Variants in SNX18 observed in about 807,000 individuals in gnomAD.
SNX18 encodes sorting nexin 18.
SNX18 carries 35 observed loss-of-function variants against 48.7 expected under a neutral mutation model. The ratio of observed to expected loss-of-function variants is 0.72; its 90% CI spans 0.55 to 0.95. The LOEUF (loss-of-function observed/expected upper bound fraction) is 0.95, where lower values mean the gene tolerates loss of function less well. Ranked by LOEUF, SNX18 falls within the 40% of genes least tolerant of loss-of-function variation. The pLI is 0.00. For synonymous variants in SNX18, 492 were observed against 384.7 expected, an observed-to-expected ratio of 1.28 and a Z score of -3.26; for missense variants, 824 against 871.0, an observed-to-expected ratio of 0.95 and a Z score of 0.68.
At chr5:54,608,743 T>C in the SNX18 span, among the ~76,000 whole-genome samples, 1 of 152,190 alleles carries the variant, frequency 6.6e-6, no homozygotes, top group Non-Finnish European at 1.5e-5. Context: ...TTAATCTTAG[T>C]TCCCTATATT....
chr5:54,645,822 G>C, the SNX18 span: 15 of 152,216 alleles, frequency 9.9e-5, no homozygotes, highest in Non-Finnish European at 1.8e-4. Context: ...GTGAACACCG[G>C]GTTCTGAATT....
At chr5:54,558,370 C>T in the SNX18 span, among the ~76,000 whole-genome samples, 1 of 152,140 alleles carries the variant, frequency 6.6e-6, no homozygotes, top group Non-Finnish European at 1.5e-5. Flanking sequence ...TCCTCCTTCC[C>T]TCCCTCTCTC....
the SNX18 span, among the ~76,000 whole-genome samples, chr5:54,565,860 T>C: frequency 6.6e-6 from 1 of 152,220 alleles, no homozygotes; most frequent in East Asian, 1.9e-4. Context: ...TCAAATGAGC[T>C]GCGTGTTTAT....
At chr5:54,538,487 A>G (rs1486421805) in intron 1 of SNX18, among the ~76,000 whole-genome samples, 3 of 152,190 alleles carry the variant, frequency 2.0e-5, no homozygotes, top group Non-Finnish European at 4.4e-5. Context: ...ATTGACTTCC[A>G]TAATTAGCTT....
chr5:54,602,272 G>A, the SNX18 span, among the ~76,000 whole-genome samples: 3 of 152,212 alleles, frequency 2.0e-5, no homozygotes, highest in African/African-American at 7.2e-5. Flanking sequence ...ATAATATGGA[G>A]ACAGCAGCTG....
At position 54,517,960 on chromosome 5, in the gene SNX18, T is replaced by C; in HGVS notation, c.8T>C (p.Leu3Pro). 1 of 1,514,322 alleles carries C rather than the reference T, an allele frequency of 6.6e-7. No homozygotes were observed. 93.8% of individuals were successfully genotyped at this position (1,514,322 alleles called of 1,614,324 possible). Residue 3 changes from leucine (L) to proline (P), a missense_variant, in exon 1 of 2, where the codon CTG (leucine) becomes CCG (proline). Transcript: ENST00000381410. Reference sequence around the variant, plus strand: ...AGTCGGGGCGCCGGGACCATGGCGCTGCGCGCCCGGGCGCTGTACGACTTC... The same window carrying C: ...AGTCGGGGCGCCGGGACCATGGCGCCGCGCGCCCGGGCGCTGTACGACTTC... MA[L>P]RARALYDFRS...
At chr5:54,570,448 G>A in the SNX18 span, among the ~76,000 whole-genome samples, 2 of 152,164 alleles carry the variant, frequency 1.3e-5, no homozygotes, top group Non-Finnish European at 1.5e-5. Flanking sequence ...TTCCATATTT[G>A]CCTAGGTCTG....
In SNX18 at chr5:54,518,868, C is replaced by G; in HGVS notation, c.916C>G (p.Gln306Glu). The G allele has an allele frequency of 6.2e-7, 1 of 1,613,490 alleles. No individual in the cohort carries two copies. The highest frequency in any genetic ancestry group is 8.5e-7 in the Non-Finnish European group (1 of 1,179,652). Residue 306 changes from glutamine (Q) to glutamate (E), a missense_variant, in exon 1 of 2, where the codon CAG becomes GAG. Coordinates refer to ENST00000381410, the MANE Select transcript of SNX18 (RefSeq NM_001102575.2). ...CTACAAGCTGGTGCCCACGCACACG[C>G]AGGTGCCGGTGCATCGGCGCTACAA... ...ISYKLVPTHT[Q>E]VPVHRRYKHF...
Position 54,546,172 on chromosome 5 carries a change from G to A in SNX18, c.*2740G>A, listed in dbSNP as rs764431598. 2 of 152,154 alleles carry A rather than the reference G, an allele frequency of 1.3e-5. No individual in the cohort carries two copies. The highest frequency in any genetic ancestry group is 2.9e-5 in the Non-Finnish European group (2 of 68,030). The allele number at this position is 152,154 out of a possible 1,614,324, so 9.4% of individuals were successfully genotyped here. The stretch of plus-strand genomic sequence containing the variant: ...TTTCCCAGGCTTCACTGATACAGTT[G>A]TTTTGCATTTATTCACAATAATACA... On this transcript the variant is annotated 3_prime_UTR_variant, in exon 2 of 2. Transcript: ENST00000381410.
At chr5:54,529,259 A>C (rs1394696545) in intron 1 of SNX18, among the ~76,000 whole-genome samples, 1 of 152,188 alleles carries the variant, frequency 6.6e-6, no homozygotes, top group African/African-American at 2.4e-5. Context: ...GGAGAAGTAC[A>C]AAATGGCCTG....
chr5:54,627,820 G>C, the SNX18 span, among the ~76,000 whole-genome samples: 4 of 152,202 alleles, frequency 2.6e-5, no homozygotes, highest in African/African-American at 9.7e-5. Context: ...AGGGTGCCCT[G>C]CCTTCAGTGG....
the SNX18 span, among the ~76,000 whole-genome samples, chr5:54,566,723 C>A: frequency 6.6e-6 from 1 of 152,202 alleles, no homozygotes; most frequent in African/African-American, 2.4e-5. Flanking sequence ...CTTCCATTGG[C>A]AACCTAGGCA....
chr5:54,534,507 G>A (rs1762314242), intron 1 of SNX18, among the ~76,000 whole-genome samples: 1 of 151,954 alleles, frequency 6.6e-6, no homozygotes, highest in Non-Finnish European at 1.5e-5. Context: ...TTAAAGGGAG[G>A]GCAGGGCCTT....
rs1012911415 is a variant in SNX18 at position 54,518,063 on chromosome 5, C to T, written c.111C>T (p.Gly37=). Residue 37 remains glycine, a synonymous_variant, in exon 1 of 2, where the codon GGC becomes GGT. Coordinates refer to ENST00000381410, the MANE Select transcript of SNX18 (RefSeq NM_001102575.2). ...TGTGCAGCGAGCAGGACATCGAGGGCTGGCTCGAGGGGGTCAACAGCCGCG... is the reference window on the plus strand; with the variant it reads ...TGTGCAGCGAGCAGGACATCGAGGGTTGGCTCGAGGGGGTCAACAGCCGCG... ...LSLCSEQDIE[G]WLEGVNSRGD... 6.5e-7 allele frequency: 1 copy of T among 1,545,858 alleles called. No individual in the cohort carries two copies. The highest frequency in any genetic ancestry group is 8.7e-7 in the Non-Finnish European group (1 of 1,151,088).
chr5:54,567,213 A>ATG, the SNX18 span, among the ~76,000 whole-genome samples: 1,614 of 150,306 alleles, frequency 0.011, 16 homozygotes, highest in Non-Finnish European at 0.015. Context: ...GTGTGTGTGT[A>ATG]TGTGTGTGTG....
chr5:54,572,771 T>TAG, the SNX18 span, among the ~76,000 whole-genome samples: 1 of 102,482 alleles, frequency 9.8e-6, no homozygotes, highest in African/African-American at 3.8e-5. Flanking sequence ...TATATATATA[T>TAG]ATATTTTTTT....
the SNX18 span, among the ~76,000 whole-genome samples, chr5:54,596,621 G>A: frequency 6.6e-6 from 1 of 152,150 alleles, no homozygotes; most frequent in Non-Finnish European, 1.5e-5. Context: ...CCACTTTAGG[G>A]GTTAGATGAC....
In SNX18 at chr5:54,518,325, G is replaced by A. The variant is rs1365024594; in HGVS notation, c.373G>A (p.Gly125Ser). The A allele has an allele frequency of 1.3e-6, 2 of 1,545,574 alleles. No homozygotes were observed. Among genetic ancestry groups the A allele is most frequent in the African/African-American group, 1.4e-5 (1 of 70,816 alleles). ...GAGCACCTTCCAGCCGCCCGGCGCG[G>A]GCTTCCCGTACGGCGGGGGCGCCCT... ...PPSTFQPPGA[G>S]FPYGGGALQP... The change falls in exon 1 of 2, where the codon GGC (glycine) becomes AGC (serine). Residue 125 changes from glycine to serine, a missense_variant. Gly to Ser is a moderately conservative substitution (Grantham distance 56). This residue lies in a region of SNX18 where 377 missense variants were observed against 350.6 expected (regional missense o/e 1.08). Coordinates refer to ENST00000381410, the MANE Select transcript of SNX18 (RefSeq NM_001102575.2).
At chr5:54,558,462 T>G in the SNX18 span, among the ~76,000 whole-genome samples, 1 of 152,192 alleles carries the variant, frequency 6.6e-6, no homozygotes, top group South Asian at 2.1e-4. Flanking sequence ...GTACAACCCA[T>G]GTTGAGGTAA....
Sources: allele counts gnomAD v4.1 joint callset (sites outside exome capture counted in the v4.1 genomes callset), GRCh38; gene constraint gnomAD v4.1.1; regional missense constraint gnomAD v4.1.1; transcripts MANE v1.5; gene names NCBI Gene and HGNC (gene_info 2026-07-23, HGNC 2026-07-21).